The following RAB3GAP1 variants were observed in gnomAD, a reference collection of about 807,000 sequenced individuals.
RAB3GAP1 encodes the protein rab3 GTPase-activating protein catalytic subunit.
In RAB3GAP1, 86 loss-of-function variants were observed where a neutral mutation model predicts 130.7. That is an observed-to-expected ratio of 0.66 (90% CI 0.55 to 0.79). The LOEUF (loss-of-function observed/expected upper bound fraction) is 0.79, where lower values mean the gene tolerates loss of function less well. Ranked by LOEUF, RAB3GAP1 falls within the 30% of genes least tolerant of loss-of-function variation. The pLI is 0.00. For synonymous variants in RAB3GAP1, 367 were observed against 401.7 expected (o/e 0.91, Z 1.03); for missense variants, 1,029 against 1,169.4 (o/e 0.88, Z 1.75).
chr2:135,127,495 C>T (rs1691388531), intron 11 of RAB3GAP1, among the ~76,000 whole-genome samples: 1 of 151,642 alleles, frequency 6.6e-6, no homozygotes, highest in Non-Finnish European at 1.5e-5. Context: ...AGGCGCCCGC[C>T]ACCACGCCCT....
intron 9 of RAB3GAP1, among the ~76,000 whole-genome samples, 189 bp from the exon 10 acceptor site, chr2:135,125,992 T>A (rs1691336836): frequency 6.6e-6 from 1 of 152,190 alleles, no homozygotes. Context: ...TATAATGAGA[T>A]GAATGTTTGC....
At position 135,130,733 on chromosome 2, in the gene RAB3GAP1, T is replaced by C. The variant is rs768732156; in HGVS notation, c.1236+12T>C. On this transcript the variant is annotated intron_variant, in intron 13 of 23. Transcript: ENST00000264158. ...ATACTATTCTCCTGGTAACTAAATGTTCTGTCTTTATAGGTCTATATGCAG... is the reference window on the plus strand; with the variant it reads ...ATACTATTCTCCTGGTAACTAAATGCTCTGTCTTTATAGGTCTATATGCAG... 27 of 1,604,420 alleles carry C rather than the reference T, an allele frequency of 1.7e-5. No individual in the cohort carries two copies. Among genetic ancestry groups the C allele is most frequent in the Admixed American group, 3.3e-5 (2 of 59,990 alleles).
At chr2:135,089,267 A>G (rs767138705) in intron 3 of RAB3GAP1, among the ~76,000 whole-genome samples, 4 of 152,050 alleles carry the variant, frequency 2.6e-5, no homozygotes, top group Non-Finnish European at 5.9e-5. Context: ...TTTTGGTACA[A>G]GTACCATGCT....
intron 19 of RAB3GAP1, among the ~76,000 whole-genome samples, chr2:135,161,770 A>G (rs1692473206): frequency 6.6e-6 from 1 of 152,232 alleles, no homozygotes; most frequent in Non-Finnish European, 1.5e-5. Flanking sequence ...AAGAAATTAC[A>G]TATGCATCTA....
At chr2:135,086,192 G>A (rs538040230) in intron 3 of RAB3GAP1, among the ~76,000 whole-genome samples, 1 of 152,144 alleles carries the variant, frequency 6.6e-6, no homozygotes, top group African/African-American at 2.4e-5. Flanking sequence ...CTTCTCTAGA[G>A]AATTCTGTAG....
At chr2:135,112,894 CTAT>C (rs1450560004) in intron 5 of RAB3GAP1, among the ~76,000 whole-genome samples, 1 of 151,690 alleles carries the variant, frequency 6.6e-6, no homozygotes, top group African/African-American at 2.4e-5. Context: ...ATATCTGAGC[CTAT>C]TTTAGCTGAA....
chr2:135,138,311 G>T (rs969101746), intron 17 of RAB3GAP1, among the ~76,000 whole-genome samples: 3 of 151,272 alleles, frequency 2.0e-5, no homozygotes, highest in African/African-American at 7.3e-5. Context: ...TTAGCCGACT[G>T]GGGTAGCGTA....
chr2:135,077,268 TCAACAA>T (rs111433011), intron 3 of RAB3GAP1, among the ~76,000 whole-genome samples: 13 of 151,474 alleles, frequency 8.6e-5, no homozygotes, highest in African/African-American at 1.9e-4. Context: ...AGACTCCATC[TCAACAA>T]CAACAACAAC....
chr2:135,117,409 T>TTTCTTCTTCTTCTTCTTC (rs764864449), intron 7 of RAB3GAP1, among the ~76,000 whole-genome samples: 3,148 of 100,018 alleles, frequency 0.031, 74 homozygotes, highest in African/African-American at 0.042. Context: ...CAATACTTTA[T>TTTCTTCTTCTTCTTCTTC]TTCTTCTTCT....
chr2:135,174,579 C>G (rs909350724), downstream of RAB3GAP1, among the ~76,000 whole-genome samples: 1 of 152,210 alleles, frequency 6.6e-6, no homozygotes, highest in African/African-American at 2.4e-5. Flanking sequence ...CAAAGCCCCC[C>G]CAGCCACAGG....
At position 135,105,719 on chromosome 2, in the gene RAB3GAP1, T is replaced by C. The variant is rs574199049; in HGVS notation, c.363-7432T>C. The stretch of plus-strand genomic sequence containing the variant: ...TCGTCTGGGATGTGAGGAGCCCCTC[T>C]GCCTGGCTGCCCAGTCTGGGAAGTG... On this transcript the variant is annotated intron_variant, in intron 5 of 23. Coordinates refer to ENST00000264158, the MANE Select transcript of RAB3GAP1 (RefSeq NM_012233.3). 2.3e-3 allele frequency among the ~76,000 whole-genome samples: 339 copies of C among 147,280 alleles called. 1 individual carries two copies. The highest frequency in any genetic ancestry group is 7.9e-3 in the African/African-American group (311 of 39,612).
chr2:135,138,371 G>C lies in RAB3GAP1; in HGVS notation c.1923+2439G>C, dbSNP rs146041993. 3.0e-3 allele frequency among the ~76,000 whole-genome samples: 452 copies of C among 151,740 alleles called. 3 individuals are homozygous for C. Among genetic ancestry groups the C allele is most frequent in the African/African-American group, 0.01 (428 of 41,346 alleles). ...AGGCTGAGGTAGAAGAATCAATTGAGCCCGGGAGGTTAAGGCTGCAGTGAG... is the reference window on the plus strand; with the variant it reads ...AGGCTGAGGTAGAAGAATCAATTGACCCCGGGAGGTTAAGGCTGCAGTGAG... On this transcript the variant is annotated intron_variant, in intron 17 of 23. Coordinates refer to ENST00000264158, the MANE Select transcript of RAB3GAP1 (RefSeq NM_012233.3).
At chr2:135,135,136 C>T (rs1691642814) in intron 15 of RAB3GAP1, 129 bp from the exon 16 acceptor site, 3 of 762,900 alleles carry the variant, frequency 3.9e-6, no homozygotes, top group Admixed American at 4.0e-5. Context: ...ATTCACTTAC[C>T]TTACCTGTGG....
At chr2:135,100,137 C>A (rs1220698061) in intron 5 of RAB3GAP1, among the ~76,000 whole-genome samples, 1 of 152,106 alleles carries the variant, frequency 6.6e-6, no homozygotes, top group African/African-American at 2.4e-5. Flanking sequence ...GCTGGGTGTA[C>A]CTTATCATCT....
intron 2 of RAB3GAP1, among the ~76,000 whole-genome samples, chr2:135,055,456 T>A (rs1688982090): frequency 1.3e-5 from 2 of 152,142 alleles, no homozygotes; most frequent in South Asian, 4.1e-4. Flanking sequence ...GGCAGGCAGA[T>A]CACTTGAGCT....
intron 15 of RAB3GAP1, 91 bp downstream of exon 15, chr2:135,134,124 T>C: frequency 6.9e-7 from 1 of 1,455,918 alleles, no homozygotes; most frequent in African/African-American, 1.4e-5. Context: ...TTCTAGGAAG[T>C]CTGCCCTAAG....
At chr2:135,126,447 T>C in intron 10 of RAB3GAP1, 136 bp from the exon 11 acceptor site, 1 of 949,850 alleles carries the variant, frequency 1.1e-6, no homozygotes, top group South Asian at 1.4e-5. Flanking sequence ...TCCATGTATC[T>C]GGATAAGAGT....
At chr2:135,112,112 C>T (rs565324789) in intron 5 of RAB3GAP1, among the ~76,000 whole-genome samples, 3 of 152,278 alleles carry the variant, frequency 2.0e-5, no homozygotes, top group Middle Eastern at 3.4e-3. Context: ...CCACGATGGC[C>T]CAGCCCCACC....
intron 3 of RAB3GAP1, among the ~76,000 whole-genome samples, chr2:135,063,805 G>A (rs1022435156): frequency 6.6e-6 from 1 of 152,098 alleles, no homozygotes; most frequent in East Asian, 1.9e-4. Flanking sequence ...TATCTGTCAG[G>A]TTCCTGCTTT....
Sources: gnomAD v4.1 joint callset for allele counts (sites outside exome capture counted in the v4.1 genomes callset) on GRCh38, gnomAD v4.1.1 for gene constraint, MANE v1.5 for transcripts, NCBI Gene and HGNC (gene_info 2026-07-23, HGNC 2026-07-21) for gene names.